The following ZNF804A variants were observed in gnomAD, a reference collection of about 807,000 sequenced individuals.
ZNF804A encodes zinc finger protein 804A.
A neutral mutation model predicts 16.5 loss-of-function variants in ZNF804A; 2 were observed. That is an observed-to-expected ratio of 0.12 (90% CI 0.05 to 0.38). The LOEUF is 0.38. Ranked by LOEUF, ZNF804A falls within the 10% of genes least tolerant of loss-of-function variation. ZNF804A has a pLI of 0.99. For synonymous variants in ZNF804A, 534 were observed against 489.6 expected (o/e 1.09, Z -1.20); for missense variants, 1,473 against 1,390.7 (o/e 1.06, Z -0.94).
chr2:184,667,636 A>G (rs1261821149), intron 1 of ZNF804A, among the ~76,000 whole-genome samples: 1 of 151,876 alleles, frequency 6.6e-6, no homozygotes, highest in African/African-American at 2.4e-5. Flanking sequence ...AGAAAATGCC[A>G]TTAAAGAGTT....
chr2:184,605,531 G>A (rs983380546), intron 1 of ZNF804A, among the ~76,000 whole-genome samples: 1 of 151,938 alleles, frequency 6.6e-6, no homozygotes, highest in African/African-American at 2.4e-5. Context: ...AAAGCACATT[G>A]TATTTGTACT....
chr2:184,772,280 AC>A (rs1261746602), intron 1 of ZNF804A, among the ~76,000 whole-genome samples: 23 of 150,096 alleles, frequency 1.5e-4, no homozygotes, highest in African/African-American at 2.2e-4. Flanking sequence ...AAAAAAAAAA[AC>A]AATAGCAGTC....
intron 1 of ZNF804A, among the ~76,000 whole-genome samples, chr2:184,601,560 T>G (rs1691046841): frequency 6.6e-6 from 1 of 152,000 alleles, no homozygotes; most frequent in Non-Finnish European, 1.5e-5. Context: ...TTTTTTAAAT[T>G]GACAGATAAA....
chr2:184,683,721 G>A (rs1018730022), intron 1 of ZNF804A, among the ~76,000 whole-genome samples: 2 of 152,132 alleles, frequency 1.3e-5, no homozygotes, highest in East Asian at 1.9e-4. Context: ...CCATAAGGAG[G>A]TCTATCCAAG....
chr2:184,673,336 C>A (rs575823330), intron 1 of ZNF804A, among the ~76,000 whole-genome samples: 2 of 152,310 alleles, frequency 1.3e-5, no homozygotes, highest in East Asian at 1.9e-4. Context: ...ATGTTTGGAA[C>A]CTCCATAGTA....
chr2:184,713,394 G>C (rs1693160758), intron 1 of ZNF804A, among the ~76,000 whole-genome samples: 1 of 151,696 alleles, frequency 6.6e-6, no homozygotes, highest in Admixed American at 6.6e-5. Context: ...TGCAACTAAA[G>C]CTTCATAAAA....
intron 1 of ZNF804A, among the ~76,000 whole-genome samples, chr2:184,667,599 A>C (rs530995522): frequency 6.6e-6 from 1 of 152,014 alleles, no homozygotes; most frequent in South Asian, 2.1e-4. Flanking sequence ...AGGGCCTTTC[A>C]CTATTCATAA....
chr2:184,714,117 T>C (rs565123651), intron 1 of ZNF804A, among the ~76,000 whole-genome samples: 82 of 152,142 alleles, frequency 5.4e-4, no homozygotes, highest in African/African-American at 1.9e-3. Context: ...GAATAATTTG[T>C]ATATTATAGG....
chr2:184,646,204 A>G (rs1691868392), intron 1 of ZNF804A, among the ~76,000 whole-genome samples: 2 of 152,316 alleles, frequency 1.3e-5, no homozygotes, highest in African/African-American at 4.8e-5. Context: ...GAGTGGGGTA[A>G]GGGCTTCCAC....
intron 2 of ZNF804A, among the ~76,000 whole-genome samples, chr2:184,929,915 C>A (rs1685669503): frequency 6.6e-6 from 1 of 152,116 alleles, no homozygotes; most frequent in Non-Finnish European, 1.5e-5. Flanking sequence ...TTGAGCACTT[C>A]TCTCTCTTCA....
intron 2 of ZNF804A, among the ~76,000 whole-genome samples, chr2:184,904,702 T>G (rs1394253409): frequency 2.6e-5 from 4 of 152,064 alleles, no homozygotes; most frequent in Admixed American, 1.3e-4. Context: ...AGTCATGACT[T>G]AGTCTTGGTG....
At chr2:184,761,681 A>T (rs1694038467) in intron 1 of ZNF804A, among the ~76,000 whole-genome samples, 1 of 152,170 alleles carries the variant, frequency 6.6e-6, no homozygotes, top group African/African-American at 2.4e-5. Flanking sequence ...ACAAGTTCTC[A>T]ACCTCCAGAT....
intron 1 of ZNF804A, among the ~76,000 whole-genome samples, chr2:184,637,775 G>A (rs1198343019): frequency 6.6e-6 from 1 of 152,082 alleles, no homozygotes; most frequent in African/African-American, 2.4e-5. Context: ...AATAAAAGTT[G>A]TAACTAATGT....
chr2:184,658,703 A>T (rs1455783244), intron 1 of ZNF804A, among the ~76,000 whole-genome samples: 1 of 152,194 alleles, frequency 6.6e-6, no homozygotes, highest in Non-Finnish European at 1.5e-5. Flanking sequence ...AGTGCTCCCT[A>T]GAAGTTGGAA....
At chr2:184,864,310 T>C (rs1695842576) in intron 1 of ZNF804A, among the ~76,000 whole-genome samples, 1 of 152,246 alleles carries the variant, frequency 6.6e-6, no homozygotes, top group Non-Finnish European at 1.5e-5. Context: ...AAAATTAATA[T>C]AGTAAGAACT....
chr2:184,655,441 T>C (rs1241858287), intron 1 of ZNF804A, among the ~76,000 whole-genome samples: 2 of 152,202 alleles, frequency 1.3e-5, no homozygotes, highest in African/African-American at 4.8e-5. Context: ...GTTAGCTGGG[T>C]TGCATATTCA....
intron 2 of ZNF804A, among the ~76,000 whole-genome samples, chr2:184,876,046 T>C (rs556475169): frequency 1.3e-5 from 2 of 152,322 alleles, no homozygotes; most frequent in Admixed American, 1.3e-4. Context: ...CAACAGGCAC[T>C]GAAGTGATCT....
At chr2:184,799,706 T>C (rs6731662) in intron 1 of ZNF804A, among the ~76,000 whole-genome samples, 4 of 151,974 alleles carry the variant, frequency 2.6e-5, no homozygotes, top group African/African-American at 9.7e-5. Flanking sequence ...TTATTTATTT[T>C]TTTCTTTTTT....
chr2:184,762,142 C>G (rs554959863), intron 1 of ZNF804A, among the ~76,000 whole-genome samples: 2 of 151,502 alleles, frequency 1.3e-5, no homozygotes, highest in Non-Finnish European at 2.9e-5. Context: ...TGCTTTCTTA[C>G]TATTTAAATT....
Sources: gnomAD v4.1 joint callset for allele counts (sites outside exome capture counted in the v4.1 genomes callset) on GRCh38, gnomAD v4.1.1 for gene constraint, MANE v1.5 for transcripts, NCBI Gene and HGNC (gene_info 2026-07-23, HGNC 2026-07-21) for gene names.